The following ACAN variants were observed in gnomAD, a reference collection of about 807,000 sequenced individuals.
ACAN encodes aggrecan core protein.
Under a neutral mutation model 169.1 loss-of-function variants are expected in ACAN, and 47 were observed. The ratio of observed to expected loss-of-function variants is 0.28; its 90% confidence interval spans 0.22 to 0.35. The LOEUF is 0.35. ACAN is among the 10% of genes least tolerant of loss of function. The pLI, the probability that ACAN is intolerant of heterozygous loss-of-function variation, is 1.00. For missense variants in ACAN, 2,716 were observed against 2,759.9 expected, an observed-to-expected ratio of 0.98 and a Z score of 0.36; for synonymous variants, 1,115 against 1,112.2, an observed-to-expected ratio of 1.00 and a Z score of -0.05.
Position 88,838,603 on chromosome 15 carries a change from G to C in ACAN, c.71-60G>C. 9 of 1,519,602 alleles carry C rather than the reference G, an allele frequency of 5.9e-6. No homozygotes were observed. The highest frequency in any genetic ancestry group is 8.0e-6 in the Non-Finnish European group (9 of 1,129,756). The allele number at this position is 1,519,602 out of a possible 1,614,324, so 94.1% of individuals were successfully genotyped here. A position where few individuals can be genotyped will look rare whatever the true frequency, so the allele number is the denominator to read the frequency against. ...CATTGCTGGAAGGATGGATGGGGAG[G>C]CGGGGTGGTCCTCTCTAGGCACTAA... On this transcript the variant is annotated intron_variant, in intron 2 of 18. Coordinates refer to ENST00000560601, the MANE Select transcript of ACAN (RefSeq NM_001369268.1). The surrounding 1 kb of genome is among the most constrained non-coding windows in gnomAD (Gnocchi z 5.1).
At position 88,859,414 on chromosome 15, in the gene ACAN, G is replaced by A; in HGVS notation, c.6829G>A (p.Ala2277Thr). 6.4e-7 allele frequency: 1 copy of A among 1,554,286 alleles called. No individual in the cohort carries two copies. Among genetic ancestry groups the A allele is most frequent in the Non-Finnish European group, 8.7e-7 (1 of 1,148,432 alleles). The stretch of plus-strand genomic sequence containing the variant: ...GAAACGTGAATCAGAATCAACTGCT[G>A]CAGGTATTGTGATTTTTTCCCCCTT... ...EWKRESESTA[A>T]APARSCAEEP... The change falls in exon 12 of 19, where the codon GCA becomes ACA. Residue 2277 changes from alanine to threonine, a missense_variant. Ala to Thr is a moderately conservative substitution (Grantham distance 58, BLOSUM62 0). Coordinates refer to ENST00000560601, the MANE Select transcript of ACAN (RefSeq NM_001369268.1).
rs1896596070 is a variant in ACAN at position 88,839,571 on chromosome 15, G to A, written c.455-441G>A. On this transcript the variant is annotated intron_variant, in intron 3 of 18. Coordinates refer to ENST00000560601, the MANE Select transcript of ACAN (RefSeq NM_001369268.1). The surrounding 1 kb of genome is among the most constrained non-coding windows in gnomAD (Gnocchi z 4.5). The stretch of plus-strand genomic sequence containing the variant: ...GTCAACACCAGATTTTTCCCAGGGG[G>A]AGGTACAGTGGGAGACTCTGTCAAA... Among the ~76,000 whole-genome samples the A allele has an allele frequency of 6.6e-6, 1 of 152,232 alleles. No individual in the cohort carries two copies. Among genetic ancestry groups the A allele is most frequent in the Non-Finnish European group, 1.5e-5 (1 of 68,036 alleles).
chr15:88,821,270 G>C (rs556097294), intron 1 of ACAN, among the ~76,000 whole-genome samples: 1 of 152,244 alleles, frequency 6.6e-6, no homozygotes, highest in African/African-American at 2.4e-5. Context: ...CTCCCGAGTA[G>C]CTGGAACCAC....
At chr15:88,831,184 T>C (rs1896353126) in intron 1 of ACAN, among the ~76,000 whole-genome samples, 1 of 152,234 alleles carries the variant, frequency 6.6e-6, no homozygotes, top group Non-Finnish European at 1.5e-5. Context: ...GGCCGGCTGG[T>C]GCCAATTGGC....
In ACAN at chr15:88,803,490, C is replaced by G. The variant is rs1006888871; in HGVS notation, c.-327C>G. 2 of 147,610 alleles carry G rather than the reference C, an allele frequency of 1.4e-5. No individual in the cohort carries two copies. Among genetic ancestry groups the G allele is most frequent in the Non-Finnish European group, 3.0e-5 (2 of 66,886 alleles). 9.1% of individuals were successfully genotyped at this position (147,610 alleles called of 1,614,324 possible). ...GAGGGGGCTCGCAGAGCTGAGGACG[C>G]GCGCAGCGCTGCTCAAGGTCTCTCT... is the stretch of plus-strand genomic sequence containing the variant. On this transcript the variant is annotated 5_prime_UTR_variant, in exon 1 of 19. Transcript: ENST00000560601.
chr15:88,852,762 C>A (rs11073816), intron 11 of ACAN, among the ~76,000 whole-genome samples: 88,377 of 152,024 alleles, frequency 0.58, 26,466 homozygotes, highest in Non-Finnish European at 0.65. Flanking sequence ...AGCCTCCCCC[C>A]ACTCCCACAG....
At position 88,869,980 on chromosome 15, in the gene ACAN, C is replaced by G. The variant is rs1225926291; in HGVS notation, c.7061-1402C>G. Among the ~76,000 whole-genome samples the G allele has an allele frequency of 6.6e-6, 1 of 152,176 alleles. No homozygotes were observed. The highest frequency in any genetic ancestry group is 1.5e-5 in the Non-Finnish European group (1 of 68,028). ...CCTTAGCCACTGAAGGGGCCAAAAA[C>G]TGACCCCCTAAGTCAGCCCTAAGAT... On this transcript the variant is annotated intron_variant, in intron 14 of 18. Coordinates refer to ENST00000560601, the MANE Select transcript of ACAN (RefSeq NM_001369268.1). The surrounding 1 kb of genome is among the most constrained non-coding windows in gnomAD (Gnocchi z 4.2).
In ACAN at chr15:88,807,747, A is replaced by AGT. The variant is rs33937048; in HGVS notation, c.-8+3976_-8+3977dup. ...CTCAGAGCCTCCTTATAAGTGGTGGAGTGTGTGTGTGTGTGTGTGTGTGTG... is the reference window on the plus strand; with the variant it reads ...CTCAGAGCCTCCTTATAAGTGGTGGAGTGTGTGTGTGTGTGTGTGTGTGTGTG... On this transcript the variant is annotated intron_variant, in intron 1 of 18. Coordinates refer to ENST00000560601, the MANE Select transcript of ACAN (RefSeq NM_001369268.1). The surrounding 1 kb of genome is among the most constrained non-coding windows in gnomAD (Gnocchi z 4.0). 0.064 allele frequency among the ~76,000 whole-genome samples: 9,040 copies of AGT among 141,798 alleles called. 331 individuals carry two copies. Among genetic ancestry groups the AGT allele is most frequent in the Middle Eastern group, 0.08 (22 of 276 alleles). 93.0% of individuals were successfully genotyped at this position (141,798 alleles called of 152,430 possible).
Position 88,845,616 on chromosome 15 carries a change from T to C in ACAN, c.1163T>C (p.Ile388Thr). Residue 388 changes from isoleucine to threonine, a missense_variant, in exon 7 of 19, where the codon ATC (isoleucine) becomes ACC (threonine). Physicochemically the swap from Ile to Thr is moderately conservative, Grantham distance 89. This residue lies in a region of ACAN where 1,283 missense variants were observed against 1,281.5 expected (regional missense o/e 1.00). Transcript: ENST00000560601. ...ATGGAGCTGCCACTGCCTCGAAACA[T>C]CACTGAGGGTGAAGCCCGAGGCAGC... The part of the protein sequence containing the change: ...PDMELPLPRN[I>T]TEGEARGSVI... 1 of 1,614,010 alleles carries C rather than the reference T, an allele frequency of 6.2e-7. No homozygotes were observed. Among genetic ancestry groups the C allele is most frequent in the Non-Finnish European group, 8.5e-7 (1 of 1,179,896 alleles).
In ACAN at chr15:88,874,458, A is replaced by T. The variant is rs1393380279; in HGVS notation, c.7684A>T (p.Ser2562Cys). Residue 2562 changes from serine (S) to cysteine (C), a missense_variant, in exon 19 of 19, where the codon AGC becomes TGC. Around this residue, in one of 3 missense-constraint regions of ACAN, gnomAD observed 1,389 missense variants for 1,363.7 expected, o/e 1.02. Coordinates refer to ENST00000560601, the MANE Select transcript of ACAN (RefSeq NM_001369268.1). This position sits in a 1 kb window ranked among gnomAD's most constrained non-coding sequence, Gnocchi z 7.3. ...GCGGAGCTCACGGCACCCTCGGAGG[A>T]GCCGCCCCAGCACAGCCCACTGAGA... ...QKRSSRHPRR[S>C]RPSTAH The T allele has an allele frequency of 2.5e-6, 4 of 1,605,460 alleles. No individual in the cohort carries two copies. The East Asian group carries it at 9.0e-5, about 36-fold the overall frequency.
intron 1 of ACAN, among the ~76,000 whole-genome samples, chr15:88,809,018 T>TGCGTTTCTGTTTCCGTGAGATGGACTCA (rs1325166890): frequency 6.6e-6 from 1 of 152,228 alleles, no homozygotes; most frequent in Admixed American, 6.5e-5. Flanking sequence ...TGAGCCTCAC[T>TGCGTTTCTGTTTCCGTGAGATGGACTCA]GCGTTTCTGT....
intron 1 of ACAN, among the ~76,000 whole-genome samples, chr15:88,816,196 C>A (rs773325587): frequency 5.3e-5 from 8 of 152,238 alleles, no homozygotes; most frequent in Non-Finnish European, 1.0e-4. Context: ...TCTGCAAAGA[C>A]CTTGTTTCCA....
At position 88,851,862 on chromosome 15, in the gene ACAN, G is replaced by A; in HGVS notation, c.2095G>A (p.Glu699Lys). Residue 699 changes from glutamate (E) to lysine (K), a missense_variant, in exon 11 of 19, where the codon GAG becomes AAG. Physicochemically the swap from Glu to Lys is moderately conservative, Grantham distance 56. Transcript: ENST00000560601. This position sits in a 1 kb window ranked among gnomAD's most constrained non-coding sequence, Gnocchi z 4.3. ...GTPTSPSGVE[E>K]WIVTQVVPGV... ...ACCCACATCACCCTCTGGTGTGGAG[G>A]AGTGGATCGTGACCCAAGTGGTTCC... 1 of 1,612,226 alleles carries A rather than the reference G, an allele frequency of 6.2e-7. No homozygotes were observed. Among genetic ancestry groups the A allele is most frequent in the Non-Finnish European group, 8.5e-7 (1 of 1,179,238 alleles).
At chr15:88,825,843 A>G (rs1433919768) in intron 1 of ACAN, among the ~76,000 whole-genome samples, 1 of 152,142 alleles carries the variant, frequency 6.6e-6, no homozygotes, top group Non-Finnish European at 1.5e-5. Flanking sequence ...ACCTTCACCT[A>G]AAAGCTCACA....
rs1266217150 is a variant in ACAN, at chr15:88,869,311, G to A, written c.7060+982G>A. Reference sequence around the variant, plus strand: ...ATACCCAGAAACTTCCAGAAGGCAGGTGAAACTCCTGGGAAGTCTCCCTTT... The same window carrying A: ...ATACCCAGAAACTTCCAGAAGGCAGATGAAACTCCTGGGAAGTCTCCCTTT... On this transcript the variant is annotated intron_variant, in intron 14 of 18. Transcript: ENST00000560601. This position sits in a 1 kb window ranked among gnomAD's most constrained non-coding sequence, Gnocchi z 4.2. Among the ~76,000 whole-genome samples the A allele has an allele frequency of 6.6e-6, 1 of 152,188 alleles. No homozygotes were observed. Among genetic ancestry groups the A allele is most frequent in the Non-Finnish European group, 1.5e-5 (1 of 68,030 alleles).
At chr15:88,834,002 A>G (rs1896436612) in intron 1 of ACAN, among the ~76,000 whole-genome samples, 1 of 152,192 alleles carries the variant, frequency 6.6e-6, no homozygotes, top group South Asian at 2.1e-4. Flanking sequence ...ACCCCTCCCC[A>G]GAGTGGAGAA....
rs917280649 is a variant in ACAN, at chr15:88,866,968, A to C, written c.6947-1248A>C. On this transcript the variant is annotated intron_variant, in intron 13 of 18. Coordinates refer to ENST00000560601, the MANE Select transcript of ACAN (RefSeq NM_001369268.1). This position sits in a 1 kb window ranked among gnomAD's most constrained non-coding sequence, Gnocchi z 5.6. ...TACTGAGGCTCAGTATCTTCAAACC[A>C]ATGTCATGGTGCCCCATAGCCAGTG... 3.9e-5 allele frequency among the ~76,000 whole-genome samples: 6 copies of C among 152,134 alleles called. No individual in the cohort carries two copies. Among genetic ancestry groups the C allele is most frequent in the African/African-American group, 1.4e-4 (6 of 41,408 alleles).
Position 88,855,337 on chromosome 15 carries a change from C to T in ACAN, c.2752C>T (p.Leu918=), listed in dbSNP as rs572551694. 42 of 1,612,420 alleles carry T rather than the reference C, an allele frequency of 2.6e-5. No homozygotes were observed. In the South Asian group the frequency reaches 4.5e-4, roughly 17 times the overall value. Residue 918 remains leucine, a synonymous_variant, in exon 12 of 19, where the codon CTA becomes TTA. Transcript: ENST00000560601. The stretch of plus-strand genomic sequence containing the variant: ...CTCAGGCCTGCCTGTGGAAAGTGGA[C>T]TACCCTCAGGGGATGAAGAGAGAAT... ...VGSGLPVESG[L]PSGDEERIEW... is the part of the protein sequence containing the mutation.
At chr15:88,859,512 A>C in intron 12 of ACAN, 95 bp downstream of exon 12, 1 of 1,509,556 alleles carries the variant, frequency 6.6e-7, no homozygotes, top group Admixed American at 2.0e-5. Context: ...TAAGGTTCCA[A>C]GAACAACTCC....
Sources: gnomAD v4.1 joint callset for allele counts (sites outside exome capture counted in the v4.1 genomes callset) on GRCh38, gnomAD v4.1.1 for gene constraint, gnomAD v4.1.1 regional missense constraint, Gnocchi (gnomAD v3.1) non-coding constraint, MANE v1.5 for transcripts, NCBI Gene and HGNC (gene_info 2026-07-23, HGNC 2026-07-21) for gene names.